The following NHSL1 variants were observed in gnomAD, a reference collection of about 807,000 sequenced individuals.
NHSL1 encodes NHS-like protein 1.
A neutral mutation model predicts 95.0 loss-of-function variants in NHSL1; 48 were observed. The ratio of observed to expected loss-of-function variants is 0.51; its 90% CI spans 0.40 to 0.64. The LOEUF (loss-of-function observed/expected upper bound fraction) is 0.64, where lower values mean the gene tolerates loss of function less well. Among genes scored for constraint, NHSL1 ranks in the 30% least tolerant of loss-of-function variants. The probability of loss-of-function intolerance (pLI) is 0.00; values close to 1 mark genes in which losing one functional copy is unlikely to be tolerated. For synonymous variants in NHSL1, 783 were observed against 833.9 expected (o/e 0.94, Z 1.05); for missense variants, 1,971 against 2,077.7 (o/e 0.95, Z 1.00).
intron 1 of NHSL1, among the ~76,000 whole-genome samples, chr6:138,639,924 A>G (rs1479858630): frequency 6.7e-6 from 1 of 149,460 alleles, no homozygotes. Flanking sequence ...TTTTCTCCAC[A>G]ATGCTGTATT....
At chr6:138,613,346 TAGA>T (rs778877697) in intron 1 of NHSL1, among the ~76,000 whole-genome samples, 4 of 152,176 alleles carry the variant, frequency 2.6e-5, no homozygotes, top group Non-Finnish European at 5.9e-5. Flanking sequence ...GGATGTGTAT[TAGA>T]AGCACACTGC....
At chr6:138,535,753 T>C (rs1041176267) in intron 1 of NHSL1, among the ~76,000 whole-genome samples, 1 of 152,196 alleles carries the variant, frequency 6.6e-6, no homozygotes, top group Non-Finnish European at 1.5e-5. Flanking sequence ...ATGTGGCAGC[T>C]AGATATTCAT....
At position 138,690,110 on chromosome 6, in the gene NHSL1, G is replaced by A. The variant is rs1002305826; in HGVS notation, c.96+2366C>T. ...ATTTCCTCTCTGGGTAAGAATTCAC[G>A]AAATGGATGGCCTTTACGGTCAATT... is the stretch of plus-strand genomic sequence containing the variant. On this transcript the variant is annotated intron_variant, in intron 1 of 3. Transcript: ENST00000491526. Among the ~76,000 whole-genome samples, 5 of 152,184 alleles carry A rather than the reference G, an allele frequency of 3.3e-5. No homozygotes were observed. The East Asian group carries it at 5.8e-4, about 18-fold the overall frequency.
intron 5 of NHSL1, among the ~76,000 whole-genome samples, chr6:138,438,706 C>T (rs1776343659): frequency 6.6e-6 from 1 of 151,852 alleles, no homozygotes; most frequent in South Asian, 2.1e-4. Flanking sequence ...ATTAAGGATG[C>T]TGAATATTTA....
rs1323849556 is a variant in NHSL1 at position 138,432,475 on chromosome 6, T to C, written c.1870A>G (p.Asn624Asp). ...DSGHGSGNLC[N>D]SSDGFGNPRH... The stretch of plus-strand genomic sequence containing the variant: ...GGGTTCCCAAAGCCATCACTGCTAT[T>C]GCACAGATTCCCAGATCCATGTCCA... The change falls in exon 6 of 8, where the codon AAT (asparagine) becomes GAT (aspartate). Residue 624 changes from asparagine (N) to aspartate (D), a missense_variant. Coordinates refer to ENST00000343505, the MANE Select transcript of NHSL1 (RefSeq NM_001144060.2). This position sits in a 1 kb window ranked among gnomAD's most constrained non-coding sequence, Gnocchi z 4.4. The C allele has an allele frequency of 6.4e-7, 1 of 1,552,310 alleles. No individual in the cohort carries two copies. Among genetic ancestry groups the C allele is most frequent in the Admixed American group, 2.0e-5 (1 of 51,012 alleles).
chr6:138,422,048 T>C lies in NHSL1; in HGVS notation c.*2033A>G, dbSNP rs1562244737. The C allele has an allele frequency of 6.7e-6, 1 of 149,454 alleles. No homozygotes were observed. The highest frequency in any genetic ancestry group is 1.9e-4 in the East Asian group (1 of 5,192). 9.3% of individuals were successfully genotyped at this position (149,454 alleles called of 1,614,324 possible). On this transcript the variant is annotated 3_prime_UTR_variant, in exon 8 of 8. Coordinates refer to ENST00000343505, the MANE Select transcript of NHSL1 (RefSeq NM_001144060.2). Reference sequence around the variant, plus strand: ...AAAAAGAAATATTTCAAATATTTACTTTACAATTGTTTTATTCAAAGGAAA... The same window carrying C: ...AAAAAGAAATATTTCAAATATTTACCTTACAATTGTTTTATTCAAAGGAAA...
At chr6:138,529,839 G>A (rs1782062194) in intron 1 of NHSL1, among the ~76,000 whole-genome samples, 1 of 152,156 alleles carries the variant, frequency 6.6e-6, no homozygotes, top group South Asian at 2.1e-4. Flanking sequence ...TCTCCCTTGG[G>A]TAAGGTCATT....
chr6:138,578,470 G>A (rs927832386), intron 1 of NHSL1, among the ~76,000 whole-genome samples: 4 of 152,168 alleles, frequency 2.6e-5, no homozygotes, highest in African/African-American at 9.7e-5. Context: ...CCAAGAAAAT[G>A]TCCCCAACCT....
rs562841134 is a variant in NHSL1, at chr6:138,487,244, T to C, written c.211+8975A>G. ...CTAGATGCTAAGAGCTTAGGTTATA[T>C]TCTGTTAGTAATGGGGAGCTGGTAA... On this transcript the variant is annotated intron_variant, in intron 2 of 7. Transcript: ENST00000343505. Among the ~76,000 whole-genome samples the C allele has an allele frequency of 2.9e-4, 44 of 152,294 alleles. 1 individual carries two copies. The South Asian group carries it at 7.7e-3, about 27-fold the overall frequency.
rs1220284077 is a variant in NHSL1 at position 138,439,920 on chromosome 6, G to T, written c.664+2063C>A. 5.3e-5 allele frequency among the ~76,000 whole-genome samples: 8 copies of T among 152,186 alleles called. 1 individual carries two copies. The highest frequency in any genetic ancestry group is 1.9e-4 in the African/African-American group (8 of 41,418). On this transcript the variant is annotated intron_variant, in intron 5 of 7. Coordinates refer to ENST00000343505, the MANE Select transcript of NHSL1 (RefSeq NM_001144060.2). Reference sequence around the variant, plus strand: ...AATTACAAAAGATATGATTTATCTAGCTGGCCAGAACATTCTAGTAAGATC... The same window carrying T: ...AATTACAAAAGATATGATTTATCTATCTGGCCAGAACATTCTAGTAAGATC...
intron 1 of NHSL1, among the ~76,000 whole-genome samples, chr6:138,603,003 A>T (rs73564395): frequency 0.028 from 4,301 of 152,248 alleles, 198 homozygotes; most frequent in African/African-American, 0.098. Flanking sequence ...AAACAAACAG[A>T]GAAATTACAT....
chr6:138,610,703 G>A (rs10872485), intron 1 of NHSL1, among the ~76,000 whole-genome samples: 49,713 of 151,344 alleles, frequency 0.33, 9,015 homozygotes, highest in African/African-American at 0.51. Flanking sequence ...TAGACCTGGG[G>A]CAATTGTCCA....
chr6:138,543,440 T>C (rs1276207804), intron 1 of NHSL1, among the ~76,000 whole-genome samples: 2 of 152,220 alleles, frequency 1.3e-5, no homozygotes, highest in Non-Finnish European at 2.9e-5. Context: ...TGAGCAGACC[T>C]GGCTTCAGAA....
rs1028480641 is a variant in NHSL1 at position 138,431,757 on chromosome 6, G to A, written c.2588C>T (p.Thr863Ile). 1 of 1,551,602 alleles carries A rather than the reference G, an allele frequency of 6.4e-7. No individual in the cohort carries two copies. The highest frequency in any genetic ancestry group is 8.7e-7 in the Non-Finnish European group (1 of 1,146,850). ...TGATTTTAAAAACACAGGCACAGGG[G>A]TGAGTGCTGTGGGTGTATTCGACTG... Reference protein sequence around the residue: ...SSQSNTPTALTPVPVFLKSVS... With the variant: ...SSQSNTPTALIPVPVFLKSVS... The change falls in exon 6 of 8, where the codon ACC (threonine) becomes ATC (isoleucine). Residue 863 changes from threonine to isoleucine, a missense_variant. By Grantham distance (89) the Thr-to-Ile change is moderately conservative. Transcript: ENST00000343505. The surrounding 1 kb of genome is among the most constrained non-coding windows in gnomAD (Gnocchi z 4.0).
intron 1 of NHSL1, among the ~76,000 whole-genome samples, chr6:138,581,379 A>T (rs1266695957): frequency 1.3e-5 from 2 of 152,186 alleles, no homozygotes; most frequent in Non-Finnish European, 2.9e-5. Context: ...TAAGTTGCCA[A>T]CAACTAGCAA....
chr6:138,544,988 T>TC (rs1385557930), intron 1 of NHSL1, among the ~76,000 whole-genome samples: 1 of 127,300 alleles, frequency 7.9e-6, no homozygotes, highest in Non-Finnish European at 1.6e-5. Flanking sequence ...CTTTTCTTTT[T>TC]TTTTTTTTTT....
chr6:138,629,383 TTCTTTC>T (rs1429998321), intron 1 of NHSL1, among the ~76,000 whole-genome samples: 2 of 85,492 alleles, frequency 2.3e-5, no homozygotes, highest in African/African-American at 4.0e-5. Flanking sequence ...CTTTCTTTCT[TTCTTTC>T]TTTTTTTTTT....
At chr6:138,505,605 A>C (rs1780917551) in intron 1 of NHSL1, among the ~76,000 whole-genome samples, 1 of 145,038 alleles carries the variant, frequency 6.9e-6, no homozygotes, top group Admixed American at 7.4e-5. Flanking sequence ...CAGTGAGCTG[A>C]GATTGCGCCA....
At chr6:138,661,495 CA>C (rs111293449) in intron 1 of NHSL1, among the ~76,000 whole-genome samples, 2,582 of 117,950 alleles carry the variant, frequency 0.022, 38 homozygotes, top group East Asian at 0.087. Context: ...CCCCCCGTCT[CA>C]AAAAAAAAAA....
Sources: allele counts gnomAD v4.1 joint callset (sites outside exome capture counted in the v4.1 genomes callset), GRCh38; gene constraint gnomAD v4.1.1; non-coding constraint Gnocchi (gnomAD v3.1); transcripts MANE v1.5; gene names NCBI Gene and HGNC (gene_info 2026-07-23, HGNC 2026-07-21).